The following SND1 variants were observed in gnomAD, a reference collection of about 807,000 sequenced individuals.
SND1 encodes staphylococcal nuclease domain-containing protein 1.
Under a neutral mutation model 121.7 loss-of-function variants are expected in SND1, and 38 were observed. The observed-to-expected ratio is 0.31, with a 90% CI of 0.24 to 0.41. The LOEUF is 0.41. Among genes scored for constraint, SND1 ranks in the 10% least tolerant of loss-of-function variants. The pLI is 1.00. For synonymous variants in SND1, 401 were observed against 447.4 expected, an observed-to-expected ratio of 0.90 and a Z score of 1.31; for missense variants, 868 against 1,184.6, an observed-to-expected ratio of 0.73 and a Z score of 3.92.
chr7:127,932,206 G>T (rs1348987756), intron 15 of SND1, among the ~76,000 whole-genome samples: 1 of 152,174 alleles, frequency 6.6e-6, no homozygotes, highest in African/African-American at 2.4e-5. Context: ...CATGGGAGGA[G>T]GTTGAAACAG....
At chr7:127,663,422 T>C (rs1587577348) in intron 1 of SND1, among the ~76,000 whole-genome samples, 1 of 151,306 alleles carries the variant, frequency 6.6e-6, no homozygotes, top group South Asian at 2.1e-4. Context: ...GCCAGGCTGG[T>C]GTGCAGTGGC....
chr7:127,862,438 C>A (rs1799396328), intron 12 of SND1, among the ~76,000 whole-genome samples: 1 of 152,132 alleles, frequency 6.6e-6, no homozygotes, highest in African/African-American at 2.4e-5. Flanking sequence ...TCTCTCTTTC[C>A]CCTGTAATAA....
In SND1 at chr7:128,039,540, T is replaced by C. The variant is rs143781283; in HGVS notation, c.1780-34962T>C. 9.8e-3 allele frequency among the ~76,000 whole-genome samples: 1,495 copies of C among 152,206 alleles called. 15 individuals carry two copies. Among genetic ancestry groups the C allele is most frequent in the Non-Finnish European group, 0.014 (938 of 68,020 alleles). ...AAGGAGAATCCTAGTGACCTTAAGG[T>C]GTCTCCAGTTCTCAATTTTTAGAAT... On this transcript the variant is annotated intron_variant, in intron 16 of 23. Coordinates refer to ENST00000354725, the MANE Select transcript of SND1 (RefSeq NM_014390.4).
intron 16 of SND1, chr7:128,030,143 G>A (rs1156618008): frequency 6.8e-6 from 11 of 1,614,106 alleles, no homozygotes; most frequent in East Asian, 4.5e-5. Flanking sequence ...CCCGGTTGAA[G>A]GCGTAAGAGG....
At position 128,085,371 on chromosome 7, in the gene SND1, G is replaced by C. The variant is rs528988960; in HGVS notation, c.2235-340G>C. On this transcript the variant is annotated intron_variant, in intron 19 of 23. Transcript: ENST00000354725. The surrounding 1 kb of genome is among the most constrained non-coding windows in gnomAD (Gnocchi z 4.4). ...ATATGTTCCCTGCTGCGGCCTCCCA[G>C]GCAGATCTGCTGGCTAATTACAGCT... 1.3e-5 allele frequency among the ~76,000 whole-genome samples: 2 copies of C among 152,064 alleles called. No homozygotes were observed. The highest frequency in any genetic ancestry group is 2.9e-5 in the Non-Finnish European group (2 of 68,022).
chr7:128,050,255 T>C (rs1342183169), intron 16 of SND1, among the ~76,000 whole-genome samples: 3 of 152,234 alleles, frequency 2.0e-5, no homozygotes, highest in Non-Finnish European at 2.9e-5. Flanking sequence ...CAAAAGTCAC[T>C]GTTTTCTGGC....
chr7:128,020,435 A>G (rs955529947), intron 16 of SND1, among the ~76,000 whole-genome samples: 15 of 152,234 alleles, frequency 9.9e-5, no homozygotes, highest in Non-Finnish European at 1.9e-4. Flanking sequence ...CCCAGAGACT[A>G]CAGGTAAGGT....
At chr7:127,897,482 T>C (rs992404179) in intron 13 of SND1, among the ~76,000 whole-genome samples, 1 of 152,094 alleles carries the variant, frequency 6.6e-6, no homozygotes, top group African/African-American at 2.4e-5. Flanking sequence ...TAATTACAAA[T>C]ATAGTTACAA....
At chr7:127,783,962 A>G (rs1335220189) in intron 10 of SND1, among the ~76,000 whole-genome samples, 1 of 152,238 alleles carries the variant, frequency 6.6e-6, no homozygotes, top group Non-Finnish European at 1.5e-5. Context: ...GTTCTTAGAT[A>G]TTCATGGATT....
chr7:127,875,220 C>T (rs965010144), intron 12 of SND1, among the ~76,000 whole-genome samples: 3 of 152,272 alleles, frequency 2.0e-5, no homozygotes, highest in Non-Finnish European at 1.5e-5. Flanking sequence ...CTCCTAGGAA[C>T]TCAGTGAGTA....
At chr7:127,880,476 C>A (rs1016480471) in intron 12 of SND1, among the ~76,000 whole-genome samples, 4 of 152,018 alleles carry the variant, frequency 2.6e-5, no homozygotes, top group African/African-American at 9.7e-5. Context: ...CTTTCCTTTG[C>A]CCATGACTAA....
At chr7:127,847,256 A>C (rs926507339) in intron 12 of SND1, among the ~76,000 whole-genome samples, 1 of 152,178 alleles carries the variant, frequency 6.6e-6, no homozygotes, top group Non-Finnish European at 1.5e-5. Flanking sequence ...TGGGCAATAG[A>C]GTGAGACTTT....
intron 10 of SND1, among the ~76,000 whole-genome samples, chr7:127,783,472 G>A (rs371311869): frequency 7.2e-5 from 11 of 152,162 alleles, no homozygotes; most frequent in South Asian, 2.1e-4. Context: ...CAGCAGATTC[G>A]TTTGATGTCA....
chr7:128,044,365 G>A (rs1792909811), intron 16 of SND1, among the ~76,000 whole-genome samples: 1 of 152,148 alleles, frequency 6.6e-6, no homozygotes, highest in Non-Finnish European at 1.5e-5. Context: ...GGCTTTGTAG[G>A]CAAATGCAGC....
At chr7:127,835,352 T>G (rs1348986921) in intron 11 of SND1, among the ~76,000 whole-genome samples, 1 of 152,112 alleles carries the variant, frequency 6.6e-6, no homozygotes, top group African/African-American at 2.4e-5. Flanking sequence ...CAGGGAGAGT[T>G]CTGGAAAAAG....
In SND1 at chr7:128,029,117, C is replaced by T. The variant is rs1584747630; in HGVS notation, c.1779+38061C>T. ...TCTGCATCTTGTCAGTGGTGTCTGT[C>T]GCGGGTACTGCCACCTGCTTGGGCA... On this transcript the variant is annotated intron_variant, in intron 16 of 23. Coordinates refer to ENST00000354725, the MANE Select transcript of SND1 (RefSeq NM_014390.4). This position sits in a 1 kb window ranked among gnomAD's most constrained non-coding sequence, Gnocchi z 4.2. 4 of 1,613,974 alleles carry T rather than the reference C, an allele frequency of 2.5e-6. No individual in the cohort carries two copies. The South Asian group carries it at 4.4e-5, about 18-fold the overall frequency.
At chr7:128,016,104 T>C (rs946912955) in intron 16 of SND1, among the ~76,000 whole-genome samples, 4 of 151,864 alleles carry the variant, frequency 2.6e-5, no homozygotes, top group African/African-American at 7.3e-5. Context: ...AAGAGAAAGC[T>C]CTTCCAGCCC....
intron 17 of SND1, among the ~76,000 whole-genome samples, chr7:128,075,517 C>T (rs1273970587): frequency 6.6e-6 from 1 of 152,178 alleles, no homozygotes; most frequent in Non-Finnish European, 1.5e-5. Flanking sequence ...CTTTGAGGCC[C>T]CAGAAGCACC....
At chr7:127,667,881 G>T (rs990396825) in intron 1 of SND1, among the ~76,000 whole-genome samples, 2 of 152,078 alleles carry the variant, frequency 1.3e-5, no homozygotes, top group Admixed American at 1.3e-4. Context: ...TGTAGAATTT[G>T]GTGTTTTGAG....
Sources: gnomAD v4.1 joint callset for allele counts (sites outside exome capture counted in the v4.1 genomes callset) on GRCh38, gnomAD v4.1.1 for gene constraint, Gnocchi (gnomAD v3.1) non-coding constraint, MANE v1.5 for transcripts, NCBI Gene and HGNC (gene_info 2026-07-23, HGNC 2026-07-21) for gene names.